The following SLC16A7 variants were observed in gnomAD, a reference collection of about 807,000 sequenced individuals.
SLC16A7 encodes the protein monocarboxylate transporter 2.
SLC16A7 carries 33 observed loss-of-function variants against 34.9 expected under a neutral mutation model. That is an observed-to-expected ratio of 0.94 (90% CI 0.72 to 1.26). The LOEUF (loss-of-function observed/expected upper bound fraction) is 1.26. Ranked by LOEUF, SLC16A7 falls within the 50% of genes most tolerant of loss-of-function variation. The pLI, the probability that SLC16A7 is intolerant of heterozygous loss-of-function variation, is 0.00. For synonymous variants in SLC16A7, 201 were observed against 206.6 expected, an observed-to-expected ratio of 0.97 and a Z score of 0.23; for missense variants, 573 against 578.1, an observed-to-expected ratio of 0.99 and a Z score of 0.09.
chr12:59,743,562 A>T (rs968668402), intron 3 of SLC16A7, among the ~76,000 whole-genome samples: 3 of 152,206 alleles, frequency 2.0e-5, no homozygotes, highest in Admixed American at 6.5e-5. Context: ...GTGGTGAGTA[A>T]AGGAATGAAC....
chr12:59,775,103 C>T lies in SLC16A7; in HGVS notation c.808C>T (p.Pro270Ser). ...TTTTGCCCCCATTATATTCTTGGCT[C>T]CATATGCTAAAGACCAAGGAATTGA... ...GFFAPIIFLA[P>S]YAKDQGIDEY... is the part of the protein sequence containing the mutation. Residue 270 changes from proline (P) to serine (S), a missense_variant, in exon 5 of 6, where the codon CCA becomes TCA. Pro to Ser is a moderately conservative substitution (Grantham distance 74). Coordinates refer to ENST00000547379, the MANE Select transcript of SLC16A7 (RefSeq NM_001270623.2). 3 of 1,614,092 alleles carry T rather than the reference C, an allele frequency of 1.9e-6. No individual in the cohort carries two copies. Among genetic ancestry groups the T allele is most frequent in the Non-Finnish European group, 2.5e-6 (3 of 1,179,996 alleles).
intron 5 of SLC16A7, 145 bp downstream of exon 5, chr12:59,775,620 T>C (rs897472370): frequency 4.7e-6 from 3 of 637,762 alleles, no homozygotes; most frequent in Non-Finnish European, 7.7e-6. Context: ...GGTTTTATTA[T>C]AAACTTTAAA....
chr12:59,620,610 C>A (rs1367588543), intron 1 of SLC16A7, among the ~76,000 whole-genome samples: 1 of 151,756 alleles, frequency 6.6e-6, no homozygotes, highest in Admixed American at 6.6e-5. Flanking sequence ...CTCGAGACAG[C>A]AGGATAGCGT....
chr12:59,635,647 G>C (rs1300723003), intron 1 of SLC16A7, among the ~76,000 whole-genome samples: 2 of 151,944 alleles, frequency 1.3e-5, no homozygotes, highest in African/African-American at 4.8e-5. Flanking sequence ...GTTTTGTAAG[G>C]AGTTATGTTA....
intron 1 of SLC16A7, among the ~76,000 whole-genome samples, chr12:59,633,012 C>T (rs1418185280): frequency 2.0e-5 from 3 of 151,876 alleles, no homozygotes; most frequent in East Asian, 1.9e-4. Flanking sequence ...ATAATATACC[C>T]GACTTCCAGG....
At chr12:59,659,497 C>T (rs1048649305) in intron 2 of SLC16A7, among the ~76,000 whole-genome samples, 1 of 152,102 alleles carries the variant, frequency 6.6e-6, no homozygotes, top group African/African-American at 2.4e-5. Flanking sequence ...TTTATCCTGG[C>T]ATCCCTCCTG....
chr12:59,789,267 A>G lies in SLC16A7; in HGVS notation c.*9588A>G, dbSNP rs1281735331. On this transcript the variant is annotated 3_prime_UTR_variant, in exon 6 of 6. Coordinates refer to ENST00000547379, the MANE Select transcript of SLC16A7 (RefSeq NM_001270623.2). Reference sequence around the variant, plus strand: ...ATTCTACGATGCAGGCTGAATGTATATTACAGTAATTCTCTGGCTAATTTT... The same window carrying G: ...ATTCTACGATGCAGGCTGAATGTATGTTACAGTAATTCTCTGGCTAATTTT... 6.6e-6 allele frequency: 1 copy of G among 152,162 alleles called. No individual in the cohort carries two copies. Among genetic ancestry groups the G allele is most frequent in the African/African-American group, 2.4e-5 (1 of 41,456 alleles). 9.4% of individuals were successfully genotyped at this position (152,162 alleles called of 1,614,324 possible).
chr12:59,711,210 G>A (rs570112725), intron 3 of SLC16A7, among the ~76,000 whole-genome samples: 90 of 152,296 alleles, frequency 5.9e-4, no homozygotes, highest in African/African-American at 1.8e-3. Flanking sequence ...GAGCAGTTCC[G>A]TAATGGAAGG....
chr12:59,598,550 A>C (rs1455238654), intron 1 of SLC16A7, among the ~76,000 whole-genome samples: 2 of 152,170 alleles, frequency 1.3e-5, no homozygotes, highest in Admixed American at 1.3e-4. Context: ...GGAACTCCAC[A>C]GTTGTAAGAA....
At chr12:59,598,359 C>A (rs1440109374) in intron 1 of SLC16A7, among the ~76,000 whole-genome samples, 1 of 152,164 alleles carries the variant, frequency 6.6e-6, no homozygotes, top group Admixed American at 6.5e-5. Flanking sequence ...TATATTTGAG[C>A]CCCTATAATC....
At chr12:59,775,804 T>C (rs1882703789) in intron 5 of SLC16A7, among the ~76,000 whole-genome samples, 1 of 152,160 alleles carries the variant, frequency 6.6e-6, no homozygotes, top group Admixed American at 6.6e-5. Flanking sequence ...ATCTTTATCA[T>C]TGGTGAACAG....
At chr12:59,764,571 G>A (rs1007427135) in intron 3 of SLC16A7, among the ~76,000 whole-genome samples, 5 of 149,878 alleles carry the variant, frequency 3.3e-5, no homozygotes, top group African/African-American at 1.2e-4. Flanking sequence ...CTGTGAGTGA[G>A]AACACGTGGT....
intron 3 of SLC16A7, among the ~76,000 whole-genome samples, chr12:59,756,177 C>T (rs984655418): frequency 3.9e-5 from 6 of 152,136 alleles, no homozygotes; most frequent in Non-Finnish European, 7.3e-5. Context: ...TAGGCATTAC[C>T]ATTCAGGACA....
chr12:59,626,199 T>G (rs1353865891), intron 1 of SLC16A7, among the ~76,000 whole-genome samples: 1 of 151,560 alleles, frequency 6.6e-6, no homozygotes, highest in Non-Finnish European at 1.5e-5. Flanking sequence ...TTAAGCATTT[T>G]AAGGGATAAT....
At chr12:59,758,513 CATA>C (rs1332799983) in intron 3 of SLC16A7, among the ~76,000 whole-genome samples, 2 of 151,626 alleles carry the variant, frequency 1.3e-5, no homozygotes, top group South Asian at 2.1e-4. Context: ...TTTATTCAAT[CATA>C]ATAATTCATA....
chr12:59,604,465 A>G (rs755287787), intron 1 of SLC16A7, among the ~76,000 whole-genome samples: 6 of 152,250 alleles, frequency 3.9e-5, no homozygotes, highest in Non-Finnish European at 7.3e-5. Context: ...GTAAAACAAC[A>G]AACATGTCTT....
rs1883519967 is a variant in SLC16A7, at chr12:59,785,123, T to G, written c.*5444T>G. On this transcript the variant is annotated 3_prime_UTR_variant, in exon 6 of 6. Coordinates refer to ENST00000547379, the MANE Select transcript of SLC16A7 (RefSeq NM_001270623.2). ...GGCACTTAAAAGCTGAAAGGCCCAA[T>G]TATCAGTAATTATAATGCTTGCATG... 2 of 152,202 alleles carry G rather than the reference T, an allele frequency of 1.3e-5. No homozygotes were observed. The highest frequency in any genetic ancestry group is 6.5e-5 in the Admixed American group (1 of 15,270). The allele number at this position is 152,202 out of a possible 1,614,324, so 9.4% of individuals were successfully genotyped here. A position where few individuals can be genotyped will look rare whatever the true frequency, so the allele number is the denominator to read the frequency against.
chr12:59,717,960 A>G (rs1875115701), intron 3 of SLC16A7, among the ~76,000 whole-genome samples: 2 of 152,164 alleles, frequency 1.3e-5, no homozygotes, highest in South Asian at 4.1e-4. Context: ...GCAGACATTC[A>G]TGCTCCCTTA....
At chr12:59,643,648 A>G (rs1173787841) in intron 1 of SLC16A7, among the ~76,000 whole-genome samples, 17 of 152,212 alleles carry the variant, frequency 1.1e-4, no homozygotes, top group Admixed American at 1.1e-3. Context: ...GTGGGCAAAT[A>G]TAATTAGATT....
Sources: gnomAD v4.1 joint callset for allele counts (sites outside exome capture counted in the v4.1 genomes callset) on GRCh38, gnomAD v4.1.1 for gene constraint, MANE v1.5 for transcripts, NCBI Gene and HGNC (gene_info 2026-07-23, HGNC 2026-07-21) for gene names.